The following MTA3 variants were observed in gnomAD, a reference collection of about 807,000 sequenced individuals.
MTA3 encodes the protein metastasis associated 1 family member 3.
In MTA3, 34 loss-of-function variants were observed where a neutral mutation model predicts 83.5. The ratio of observed to expected loss-of-function variants is 0.41; its 90% CI spans 0.31 to 0.54. The LOEUF (loss-of-function observed/expected upper bound fraction) is 0.54. MTA3 is among the 20% of genes least tolerant of loss of function. MTA3 has a pLI of 0.33. For missense variants in MTA3, 761 were observed against 726.4 expected, an observed-to-expected ratio of 1.05 and a Z score of -0.55; for synonymous variants, 303 against 252.7, an observed-to-expected ratio of 1.20 and a Z score of -1.89.
rs1247071527 is a variant in MTA3 at position 42,751,581 on chromosome 2, TG to T, written c.1760-1791del. Among the ~76,000 whole-genome samples, 10 of 152,054 alleles carry T rather than the reference TG, an allele frequency of 6.6e-5. No homozygotes were observed. The East Asian group carries it at 1.7e-3, about 26-fold the overall frequency. ...TTCTTCAGCCCAGAATACAGAGAGG[TG>T]GCCTGTCTCAATTGAAAACCGTGGC... On this transcript the variant is annotated intron_variant, in intron 16 of 16. Coordinates refer to ENST00000405094, the MANE Select transcript of MTA3 (RefSeq NM_001330442.2).
chr2:42,655,562 T>G (rs1558548628), intron 6 of MTA3, among the ~76,000 whole-genome samples: 1 of 152,224 alleles, frequency 6.6e-6, no homozygotes, highest in Non-Finnish European at 1.5e-5. Context: ...GTTTATATCA[T>G]ATGTATTTAT....
rs966296310 is a variant in MTA3, at chr2:42,639,549, A to C, written c.318-624A>C. Among the ~76,000 whole-genome samples, 3 of 152,192 alleles carry C rather than the reference A, an allele frequency of 2.0e-5. No homozygotes were observed. The East Asian group carries it at 5.8e-4, about 29-fold the overall frequency. ...AGACGTTAGTTTCCAAGCTCAGATC[A>C]AATGTAAGTGCTGTCAGACCTCAAG... On this transcript the variant is annotated intron_variant, in intron 4 of 16. Transcript: ENST00000405094.
chr2:42,724,985 C>G (rs190726801), intron 16 of MTA3, among the ~76,000 whole-genome samples: 3 of 152,150 alleles, frequency 2.0e-5, no homozygotes, highest in Non-Finnish European at 4.4e-5. Context: ...GGGGAAAGAC[C>G]CATCTTATTT....
chr2:42,688,267 A>G (rs1446136800), intron 9 of MTA3, among the ~76,000 whole-genome samples: 6 of 152,124 alleles, frequency 3.9e-5, no homozygotes, highest in Non-Finnish European at 7.4e-5. Context: ...TATTTTTTGT[A>G]TAGATGCAGT....
chr2:42,696,648 A>G (rs1382734390), intron 10 of MTA3, among the ~76,000 whole-genome samples: 4 of 152,184 alleles, frequency 2.6e-5, no homozygotes, highest in African/African-American at 7.2e-5. Flanking sequence ...GTGTGCACCT[A>G]TATTCCCAGC....
intron 2 of MTA3, among the ~76,000 whole-genome samples, chr2:42,538,768 TTTTTTTTTG>T (rs1217615819): frequency 4.2e-5 from 3 of 70,598 alleles, no homozygotes; most frequent in South Asian, 5.6e-4. Context: ...GTTTTTTTTG[TTTTTTTTTG>T]TTTTTTTTGA....
intron 8 of MTA3, among the ~76,000 whole-genome samples, chr2:42,662,413 T>C (rs1308679563): frequency 1.3e-5 from 2 of 151,710 alleles, no homozygotes; most frequent in Non-Finnish European, 2.9e-5. Context: ...TAAATCTATA[T>C]AGAGTTTAAT....
intron 11 of MTA3, chr2:42,702,666 A>G (rs1436674067): frequency 6.6e-6 from 1 of 152,270 alleles, no homozygotes; most frequent in Non-Finnish European, 1.5e-5. Flanking sequence ...CACAAAAAGT[A>G]TCGAGAATGA....
intron 8 of MTA3, among the ~76,000 whole-genome samples, chr2:42,664,597 C>A (rs957016830): frequency 6.7e-6 from 1 of 149,936 alleles, no homozygotes; most frequent in African/African-American, 2.5e-5. Context: ...CTTCAGTCTC[C>A]TGCCTCAGCC....
At chr2:42,554,625 A>G (rs143325328) in intron 2 of MTA3, among the ~76,000 whole-genome samples, 64 of 152,300 alleles carry the variant, frequency 4.2e-4, no homozygotes, top group African/African-American at 1.4e-3. Flanking sequence ...CAGCAGGGAA[A>G]GCCAGCCCGA....
At chr2:42,626,011 C>T (rs1368514269) in intron 4 of MTA3, among the ~76,000 whole-genome samples, 6 of 145,496 alleles carry the variant, frequency 4.1e-5, no homozygotes, top group South Asian at 2.2e-4. Context: ...GGCGCAATCT[C>T]GGCTCACTGC....
chr2:42,753,688 C>G lies in MTA3; in HGVS notation c.*289C>G. On this transcript the variant is annotated 3_prime_UTR_variant, in exon 17 of 17. Transcript: ENST00000405094. Reference sequence around the variant, plus strand: ...GGCTGAGGGAACCCCTCCACCTCCTCCCTTCTGCAGCGCCCTGCGCCCCAC... The same window carrying G: ...GGCTGAGGGAACCCCTCCACCTCCTGCCTTCTGCAGCGCCCTGCGCCCCAC... The G allele has an allele frequency of 7.9e-7, 1 of 1,271,572 alleles. No individual in the cohort carries two copies. Among genetic ancestry groups the G allele is most frequent in the Non-Finnish European group, 1.0e-6 (1 of 999,138 alleles). 78.8% of individuals were successfully genotyped at this position (1,271,572 alleles called of 1,614,324 possible).
At chr2:42,627,725 ATTTTTTTTT>A (rs869227831) in intron 4 of MTA3, among the ~76,000 whole-genome samples, 4 of 103,384 alleles carry the variant, frequency 3.9e-5, no homozygotes, top group East Asian at 2.9e-4. Context: ...GCCTGGCTAA[ATTTTTTTTT>A]TTTTTTTTTT....
chr2:42,520,488 C>T (rs1464020402), intron 2 of MTA3, among the ~76,000 whole-genome samples: 1 of 152,174 alleles, frequency 6.6e-6, no homozygotes, highest in Non-Finnish European at 1.5e-5. Flanking sequence ...GCAGGCTTCC[C>T]AGGATTGCTT....
In MTA3 at chr2:42,729,091, T is replaced by TTGTTTTTTG. The variant is rs1263524637; in HGVS notation, c.1759+6057_1759+6058insGTTTTTTGT. On this transcript the variant is annotated intron_variant, in intron 16 of 16. Transcript: ENST00000405094. ...TTATTAGTTTCACAGTTTGAGTTTTTTTTTTTTTTTTTTTTTTTTTTTCAC... is the reference window on the plus strand; with the variant it reads ...TTATTAGTTTCACAGTTTGAGTTTTTTGTTTTTTGTTTTTTTTTTTTTTTTTTTTTTCAC... Among the ~76,000 whole-genome samples, 15 of 109,048 alleles carry TTGTTTTTTG rather than the reference T, an allele frequency of 1.4e-4. 1 individual carries two copies. The highest frequency in any genetic ancestry group is 2.8e-4 in the Admixed American group (3 of 10,876). 71.5% of individuals were successfully genotyped at this position (109,048 alleles called of 152,430 possible).
rs913460446 is a variant in MTA3 at position 42,560,456 on chromosome 2, C to A, written c.-140-9981C>A. Among the ~76,000 whole-genome samples, 4 of 151,560 alleles carry A rather than the reference C, an allele frequency of 2.6e-5. No individual in the cohort carries two copies. The South Asian group carries it at 8.3e-4, about 32-fold the overall frequency. On this transcript the variant is annotated intron_variant, in intron 2 of 17. Coordinates refer to the MTA3 transcript ENST00000405592. ...AGGAGTTCAAGACCAGCCTGGCCAA[C>A]AATGCGAAAGGCTTGAACCCGAGAG...
rs751642998 is a variant in MTA3, at chr2:42,609,565, C to T, written c.298C>T (p.Leu100=). 6.2e-6 allele frequency: 10 copies of T among 1,613,638 alleles called. No homozygotes were observed. The East Asian group carries it at 1.8e-4, about 29-fold the overall frequency. ...CTTTTTGTCACGCCAGTATGAATCTCTGCCCGCAACACATATCAGGTAAGA... is the reference window on the plus strand; with the variant it reads ...CTTTTTGTCACGCCAGTATGAATCTTTGCCCGCAACACATATCAGGTAAGA... The part of the protein sequence containing the change: ...ELFLSRQYES[L]PATHIRGKCS... Residue 100 remains leucine (L), a synonymous_variant, in exon 4 of 17, where the codon CTG becomes TTG. Coordinates refer to ENST00000405094, the MANE Select transcript of MTA3 (RefSeq NM_001330442.2).
chr2:42,690,290 T>C (rs1692763379), intron 9 of MTA3, among the ~76,000 whole-genome samples: 1 of 152,236 alleles, frequency 6.6e-6, no homozygotes, highest in African/African-American at 2.4e-5. Context: ...CTGCTATTAC[T>C]TAAAACATAT....
intron 2 of MTA3, among the ~76,000 whole-genome samples, chr2:42,552,623 C>CAAAAAAA (rs536783114): frequency 3.4e-5 from 3 of 88,408 alleles, no homozygotes; most frequent in African/African-American, 8.1e-5. Context: ...ACTCCTTGTC[C>CAAAAAAA]AAAAAAAAAA....
Sources: allele counts gnomAD v4.1 joint callset (sites outside exome capture counted in the v4.1 genomes callset), GRCh38; gene constraint gnomAD v4.1.1; transcripts MANE v1.5; gene names NCBI Gene and HGNC (gene_info 2026-07-23, HGNC 2026-07-21).